The following RMDN2 variants were observed in gnomAD, a reference collection of about 807,000 sequenced individuals.
RMDN2 encodes regulator of microtubule dynamics 2.
A neutral mutation model predicts 52.8 loss-of-function variants in RMDN2; 61 were observed. That is an observed-to-expected ratio of 1.16 (90% CI 0.94 to 1.43). The LOEUF (loss-of-function observed/expected upper bound fraction) is 1.43. Among genes scored for constraint, RMDN2 ranks in the 40% most tolerant of loss-of-function variants. The pLI is 0.00. For missense variants in RMDN2, 592 were observed against 475.3 expected, an observed-to-expected ratio of 1.25 and a Z score of -2.28; for synonymous variants, 180 against 153.1, an observed-to-expected ratio of 1.18 and a Z score of -1.30.
intron 2 of RMDN2, among the ~76,000 whole-genome samples, chr2:37,931,725 G>C (rs1221763906): frequency 1.3e-5 from 2 of 152,254 alleles, no homozygotes; most frequent in African/African-American, 4.8e-5. Flanking sequence ...TGTAGGCACA[G>C]ATGTTTTATG....
chr2:37,962,985 G>A (rs541780965), intron 2 of RMDN2: 2 of 152,878 alleles, frequency 1.3e-5, no homozygotes, highest in African/African-American at 2.4e-5. Flanking sequence ...CTTCCTGGGT[G>A]AGGCAATACC....
At chr2:38,021,211 C>G (rs1250495142), downstream of RMDN2, among the ~76,000 whole-genome samples, 3 of 152,158 alleles carry the variant, frequency 2.0e-5, no homozygotes, top group Non-Finnish European at 4.4e-5. Context: ...ACTTTTGTGT[C>G]TAGCTCAGGG....
intron 2 of RMDN2, among the ~76,000 whole-genome samples, chr2:37,951,029 G>C (rs1354327711): frequency 6.6e-6 from 1 of 152,004 alleles, no homozygotes; most frequent in Non-Finnish European, 1.5e-5. Flanking sequence ...TAACCTCTTA[G>C]ACTCCCGCAT....
chr2:38,045,373 G>C (rs1245479375), intron 10 of RMDN2, among the ~76,000 whole-genome samples: 2 of 152,190 alleles, frequency 1.3e-5, no homozygotes, highest in African/African-American at 2.4e-5. Flanking sequence ...CTTAACAGAA[G>C]AAACTGCTGC....
chr2:37,993,365 A>T (rs1675079195), intron 7 of RMDN2, among the ~76,000 whole-genome samples: 1 of 152,248 alleles, frequency 6.6e-6, no homozygotes, highest in Non-Finnish European at 1.5e-5. Context: ...CCGCCAAGGT[A>T]ATAAAGCAAG....
chr2:38,025,168 C>G (rs1180530708), intron 10 of RMDN2, among the ~76,000 whole-genome samples: 2 of 152,038 alleles, frequency 1.3e-5, no homozygotes, highest in East Asian at 1.9e-4. Flanking sequence ...TTATTTAGGT[C>G]TTTAGTTCCT....
At chr2:37,984,355 A>C (rs1224663987) in intron 5 of RMDN2, among the ~76,000 whole-genome samples, 2 of 152,190 alleles carry the variant, frequency 1.3e-5, no homozygotes, top group African/African-American at 4.8e-5. Flanking sequence ...AATGTCTTAC[A>C]TATTGGTTGT....
At chr2:37,987,447 A>G (rs559295632) in intron 5 of RMDN2, among the ~76,000 whole-genome samples, 32 of 152,328 alleles carry the variant, frequency 2.1e-4, no homozygotes, top group African/African-American at 6.7e-4. Context: ...TGAAAAGGCA[A>G]TATACTATAT....
intron 8 of RMDN2, 95 bp downstream of exon 8, chr2:37,997,609 A>T (rs1168324622): frequency 1.3e-4 from 107 of 827,330 alleles, no homozygotes; most frequent in Non-Finnish European, 8.1e-6. Flanking sequence ...CTCCATGTGG[A>T]GCCTCAGTTT....
At chr2:38,001,110 G>A (rs1676261249) in intron 8 of RMDN2, among the ~76,000 whole-genome samples, 1 of 152,162 alleles carries the variant, frequency 6.6e-6, no homozygotes, top group South Asian at 2.1e-4. Context: ...ACTCTTGGCT[G>A]TGTCCTGATA....
At chr2:37,949,147 A>G (rs914827061) in intron 2 of RMDN2, among the ~76,000 whole-genome samples, 3 of 152,230 alleles carry the variant, frequency 2.0e-5, no homozygotes, top group African/African-American at 4.8e-5. Flanking sequence ...ATAGATTGCT[A>G]CAGAGACAGA....
rs1439498252 is a variant in RMDN2, at chr2:37,932,291, C to G, written c.452+2562C>G. On this transcript the variant is annotated intron_variant, in intron 2 of 10. Transcript: ENST00000354545. ...TAAGGAGCATGCTGCCTTCAAGCAT[C>G]TGTTTAACAAAGCACATCTTGCACC... is the stretch of plus-strand genomic sequence containing the variant. Among the ~76,000 whole-genome samples, 7 of 151,624 alleles carry G rather than the reference C, an allele frequency of 4.6e-5. No homozygotes were observed. The East Asian group carries it at 7.8e-4, about 17-fold the overall frequency.
chr2:38,048,422 G>A (rs1681401569), intron 10 of RMDN2, among the ~76,000 whole-genome samples: 1 of 152,174 alleles, frequency 6.6e-6, no homozygotes, highest in African/African-American at 2.4e-5. Context: ...TCTGGAGAAA[G>A]GAAAACAGCC....
chr2:37,981,343 G>T lies in RMDN2; in HGVS notation c.791G>T (p.Trp264Leu), dbSNP rs773930301. The T allele has an allele frequency of 6.3e-7, 1 of 1,595,644 alleles. No individual in the cohort carries two copies. The highest frequency in any genetic ancestry group is 8.6e-7 in the Non-Finnish European group (1 of 1,163,432). Residue 264 changes from tryptophan (W) to leucine (L), a missense_variant and splice_region_variant, in exon 5 of 11, where the codon TGG (tryptophan) becomes TTG (leucine). Trp to Leu is a moderately conservative substitution (Grantham distance 61, BLOSUM62 -2). Transcript: ENST00000354545. ...RAPMNGHCHL[W>L]YAVLCGYVSE... ...CCCATGAATGGACATTGTCATCTGT[G>T]GTAAGTGTATAGGATTTATGCAGTC... is the stretch of plus-strand genomic sequence containing the variant.
chr2:37,951,629 C>T, intron 2 of RMDN2: 1 of 1,613,380 alleles, frequency 6.2e-7, no homozygotes, highest in Non-Finnish European at 8.5e-7. Flanking sequence ...TTTCCTATTA[C>T]AAGAGTGCCA....
At chr2:37,940,680 A>G (rs566995952) in intron 2 of RMDN2, among the ~76,000 whole-genome samples, 28 of 152,122 alleles carry the variant, frequency 1.8e-4, no homozygotes, top group African/African-American at 6.8e-4. Context: ...CAATTTGGCT[A>G]TTGATACTTG....
At chr2:37,985,150 G>A (rs1185875702) in intron 5 of RMDN2, among the ~76,000 whole-genome samples, 1 of 151,994 alleles carries the variant, frequency 6.6e-6, no homozygotes. Flanking sequence ...AGAGTAACTT[G>A]GAGAGAATAT....
chr2:38,026,097 A>G (rs990112323), intron 10 of RMDN2, among the ~76,000 whole-genome samples: 2 of 152,108 alleles, frequency 1.3e-5, no homozygotes, highest in Admixed American at 6.5e-5. Flanking sequence ...TGTTGGGGGA[A>G]GTTTTCAAGT....
intron 10 of RMDN2, among the ~76,000 whole-genome samples, chr2:38,024,364 CCAAAGTGGTTTT>C (rs1299460677): frequency 1.3e-5 from 2 of 152,172 alleles, no homozygotes; most frequent in Non-Finnish European, 2.9e-5. Context: ...AAACTGTTTT[CCAAAGTGGTTTT>C]ACCATTTCAC....
Sources: allele counts gnomAD v4.1 joint callset (sites outside exome capture counted in the v4.1 genomes callset), GRCh38; gene constraint gnomAD v4.1.1; transcripts MANE v1.5; gene names NCBI Gene and HGNC (gene_info 2026-07-23, HGNC 2026-07-21).